Variants in CYRIA observed in about 807,000 individuals in gnomAD.
CYRIA encodes CYFIP-related Rac1 interactor A.
CYRIA carries 15 observed loss-of-function variants against 43.9 expected under a neutral mutation model. The observed-to-expected ratio is 0.34, with a 90% CI of 0.23 to 0.53. The LOEUF is 0.53. CYRIA is among the 20% of genes least tolerant of loss of function. The pLI is 0.94. For missense variants in CYRIA, 236 were observed against 394.2 expected, an observed-to-expected ratio of 0.60 and a Z score of 3.40; for synonymous variants, 117 against 136.0, an observed-to-expected ratio of 0.86 and a Z score of 0.97.
At chr2:16,593,494 A>C (rs987535534) in intron 2 of CYRIA, among the ~76,000 whole-genome samples, 2 of 152,116 alleles carry the variant, frequency 1.3e-5, no homozygotes, top group Non-Finnish European at 2.9e-5. Flanking sequence ...ATTATTATGG[A>C]AGACAACTAA....
chr2:16,583,967 G>C (rs1199656207), intron 3 of CYRIA, among the ~76,000 whole-genome samples: 1 of 152,144 alleles, frequency 6.6e-6, no homozygotes, highest in African/African-American at 2.4e-5. Flanking sequence ...AATTATATCT[G>C]TCTGACCCAG....
intron 3 of CYRIA, among the ~76,000 whole-genome samples, chr2:16,582,612 A>C (rs1389038641): frequency 6.6e-6 from 1 of 152,200 alleles, no homozygotes; most frequent in Non-Finnish European, 1.5e-5. Flanking sequence ...TGAAATCAAC[A>C]GTGTGTGGTC....
rs771391865 is a variant in CYRIA at position 16,650,792 on chromosome 2, G to C, written c.-167+14988C>G. On this transcript the variant is annotated intron_variant, in intron 1 of 11. Coordinates refer to ENST00000381323, the MANE Select transcript of CYRIA (RefSeq NM_030797.4). The surrounding 1 kb of genome is among the most constrained non-coding windows in gnomAD (Gnocchi z 4.1). ...CAGGAAATTCAAACAGAAAGACCGT[G>C]ACCTTAAGGCAAGTCAAGGAGGAAG... Among the ~76,000 whole-genome samples the C allele has an allele frequency of 1.3e-5, 2 of 152,210 alleles. No homozygotes were observed. Among genetic ancestry groups the C allele is most frequent in the Non-Finnish European group, 2.9e-5 (2 of 68,042 alleles).
intron 5 of CYRIA, among the ~76,000 whole-genome samples, chr2:16,563,217 T>C (rs1237965556): frequency 6.6e-6 from 1 of 152,168 alleles, no homozygotes; most frequent in East Asian, 1.9e-4. Flanking sequence ...TCTCTTTTAC[T>C]CTCTTCTATC....
chr2:16,606,646 A>G lies in CYRIA; in HGVS notation c.-11+17218T>C, dbSNP rs567233359. On this transcript the variant is annotated intron_variant, in intron 2 of 11. Coordinates refer to ENST00000381323, the MANE Select transcript of CYRIA (RefSeq NM_030797.4). ...TGTCACACATTTGTTCTTGAAGTTTATCTGCCTCCATAGTTCTCTGGCAGG... is the reference window on the plus strand; with the variant it reads ...TGTCACACATTTGTTCTTGAAGTTTGTCTGCCTCCATAGTTCTCTGGCAGG... 5.9e-5 allele frequency among the ~76,000 whole-genome samples: 9 copies of G among 152,124 alleles called. No homozygotes were observed. The South Asian group carries it at 1.9e-3, about 32-fold the overall frequency.
chr2:16,646,903 A>C (rs1669837041), intron 1 of CYRIA, among the ~76,000 whole-genome samples: 1 of 152,174 alleles, frequency 6.6e-6, no homozygotes, highest in Admixed American at 6.5e-5. Flanking sequence ...TCAGACTTGA[A>C]CCAGACTTAT....
chr2:16,562,095 G>A lies in CYRIA; in HGVS notation c.345C>T (p.Tyr115=), dbSNP rs1666755350. 5 of 1,613,404 alleles carry A rather than the reference G, an allele frequency of 3.1e-6. No homozygotes were observed. The highest frequency in any genetic ancestry group is 4.2e-6 in the Non-Finnish European group (5 of 1,179,524). The change falls in exon 6 of 12, where the codon TAC becomes TAT. Residue 115 remains tyrosine (Y), a synonymous_variant. Coordinates refer to ENST00000381323, the MANE Select transcript of CYRIA (RefSeq NM_030797.4). ...CCCTTTCCAGGTGTTGGGTTGGTGT[G>A]TAGGGTGGACAAGTCAGAGATTCCA... ...SLLESLTCPP[Y]TPTQHLEREQ... is the part of the protein sequence containing the mutation.
chr2:16,629,279 T>TG (rs1229037560), intron 1 of CYRIA, among the ~76,000 whole-genome samples: 1 of 152,142 alleles, frequency 6.6e-6, no homozygotes, highest in Non-Finnish European at 1.5e-5. Context: ...TCTAACCTGG[T>TG]GAGAGATCCT....
intron 1 of CYRIA, among the ~76,000 whole-genome samples, chr2:16,641,526 T>C (rs528232007): frequency 6.6e-6 from 1 of 152,342 alleles, no homozygotes; most frequent in East Asian, 1.9e-4. Flanking sequence ...TCCTCTGAAC[T>C]CTCATAATTT....
intron 3 of CYRIA, among the ~76,000 whole-genome samples, chr2:16,573,241 T>C (rs1303093457): frequency 6.6e-6 from 1 of 152,214 alleles, no homozygotes; most frequent in African/African-American, 2.4e-5. Flanking sequence ...AAATTCTCCC[T>C]TCAGGGATGT....
intron 3 of CYRIA, among the ~76,000 whole-genome samples, chr2:16,582,652 A>G (rs1425347583): frequency 2.0e-5 from 3 of 152,194 alleles, no homozygotes; most frequent in Non-Finnish European, 4.4e-5. Context: ...ACTTAGCACA[A>G]TGATTTCAAG....
chr2:16,650,139 C>T lies in CYRIA; in HGVS notation c.-167+15641G>A, dbSNP rs890862527. Among the ~76,000 whole-genome samples the T allele has an allele frequency of 1.1e-4, 17 of 152,298 alleles. No individual in the cohort carries two copies. The highest frequency in any genetic ancestry group is 4.1e-4 in the African/African-American group (17 of 41,562). On this transcript the variant is annotated intron_variant, in intron 1 of 11. Transcript: ENST00000381323. This position sits in a 1 kb window ranked among gnomAD's most constrained non-coding sequence, Gnocchi z 4.1. ...ACGTGGCACAGCAAGACAGTCGTCG[C>T]CATCAGCCACTGAGATTTGGGGGTT...
chr2:16,641,432 TA>T (rs1669673158), intron 1 of CYRIA, among the ~76,000 whole-genome samples: 1 of 152,190 alleles, frequency 6.6e-6, no homozygotes, highest in South Asian at 2.1e-4. Context: ...TGTTTAATTC[TA>T]AATCCTATCC....
chr2:16,553,794 A>G (rs1262966531), intron 11 of CYRIA, among the ~76,000 whole-genome samples: 1 of 152,074 alleles, frequency 6.6e-6, no homozygotes, highest in Non-Finnish European at 1.5e-5. Flanking sequence ...ATTCTAACAA[A>G]TCAGATGGGA....
intron 3 of CYRIA, among the ~76,000 whole-genome samples, chr2:16,575,591 C>T (rs1035867207): frequency 1.3e-5 from 2 of 152,078 alleles, no homozygotes; most frequent in Admixed American, 1.3e-4. Context: ...CGCGGTGGCT[C>T]ATGCTTGTAA....
intron 1 of CYRIA, among the ~76,000 whole-genome samples, chr2:16,649,778 T>TACAGGGCATGGTTATACAGC: frequency 6.6e-6 from 1 of 152,252 alleles, no homozygotes; most frequent in African/African-American, 2.4e-5. Context: ...GGTTATACAG[T>TACAGGGCATGGTTATACAGC]ACAGGGGACA....
At position 16,561,084 on chromosome 2, in the gene CYRIA, C is replaced by A. The variant is rs1666708945; in HGVS notation, c.631-15G>T. 6.2e-7 allele frequency: 1 copy of A among 1,613,054 alleles called. No homozygotes were observed. Among genetic ancestry groups the A allele is most frequent in the Non-Finnish European group, 8.5e-7 (1 of 1,179,270 alleles). On this transcript the variant is annotated splice_polypyrimidine_tract_variant and intron_variant, in intron 8 of 11. Coordinates refer to ENST00000381323, the MANE Select transcript of CYRIA (RefSeq NM_030797.4). ...AGAGTTTTGTTCTAAATGGGAGACA[C>A]AAATGTACATTAGTCCTGCTTGCAG...
intron 3 of CYRIA, among the ~76,000 whole-genome samples, chr2:16,570,407 G>C (rs1017284410): frequency 2.0e-5 from 3 of 152,018 alleles, no homozygotes; most frequent in Non-Finnish European, 2.9e-5. Context: ...ACACTAATAG[G>C]GTATTTGTTG....
chr2:16,592,842 C>A (rs990293262), intron 2 of CYRIA, among the ~76,000 whole-genome samples: 5 of 152,054 alleles, frequency 3.3e-5, no homozygotes, highest in African/African-American at 1.2e-4. Context: ...TCTAGTTTAA[C>A]CTGTTTGTAT....
Sources: gnomAD v4.1 joint callset for allele counts (sites outside exome capture counted in the v4.1 genomes callset) on GRCh38, gnomAD v4.1.1 for gene constraint, Gnocchi (gnomAD v3.1) non-coding constraint, MANE v1.5 for transcripts, NCBI Gene and HGNC (gene_info 2026-07-23, HGNC 2026-07-21) for gene names.